Variants in ZNHIT3 observed in about 807,000 individuals in gnomAD.
The protein encoded by ZNHIT3 is zinc finger HIT domain-containing protein 3.
ZNHIT3 carries 27 observed loss-of-function variants against 19.9 expected under a neutral mutation model. The observed-to-expected ratio is 1.36, with a 90% CI of 1.00 to 1.87. ZNHIT3 has a LOEUF of 1.87. Ranked by LOEUF, ZNHIT3 falls within the 40% of genes most tolerant of loss-of-function variation. The probability of loss-of-function intolerance (pLI) is 0.00; values close to 1 mark genes in which losing one functional copy is unlikely to be tolerated. For synonymous variants in ZNHIT3, 81 were observed against 65.7 expected (o/e 1.23, Z -1.13); for missense variants, 215 against 185.6 (o/e 1.16, Z -0.92).
chr17:36,493,479 ATT>A (rs1228681137), intron 3 of ZNHIT3, among the ~76,000 whole-genome samples: 1 of 152,194 alleles, frequency 6.6e-6, no homozygotes, highest in Non-Finnish European at 1.5e-5. Flanking sequence ...CCTTTGAGAA[ATT>A]TCCAGGTTGG....
In ZNHIT3 at chr17:36,486,718, A is replaced by G; in HGVS notation, c.19A>G (p.Ser7Gly). Reference sequence around the variant, plus strand: ...CAAAACCATGGCGTCGCTCAAATGTAGCACCGTCGTCTGCGTGATCTGCTT... The same window carrying G: ...CAAAACCATGGCGTCGCTCAAATGTGGCACCGTCGTCTGCGTGATCTGCTT... Reference protein sequence around the residue: MASLKCSTVVCVICLEK... With the variant: MASLKCGTVVCVICLEK... Residue 7 changes from serine (S) to glycine (G), a missense_variant, in exon 1 of 5, where the codon AGC (serine) becomes GGC (glycine). Coordinates refer to ENST00000617429, the MANE Select transcript of ZNHIT3 (RefSeq NM_004773.4). 6.2e-7 allele frequency: 1 copy of G among 1,613,722 alleles called. No individual in the cohort carries two copies. Among genetic ancestry groups the G allele is most frequent in the Non-Finnish European group, 8.5e-7 (1 of 1,179,756 alleles).
At chr17:36,487,217 T>TC (rs1183676986) in intron 2 of ZNHIT3, among the ~76,000 whole-genome samples, 1 of 152,182 alleles carries the variant, frequency 6.6e-6, no homozygotes, top group Non-Finnish European at 1.5e-5. Context: ...ACCCCGCTTC[T>TC]CCTTCTGCGT....
downstream of ZNHIT3, chr17:36,496,113 G>T: frequency 8.2e-7 from 1 of 1,224,036 alleles, no homozygotes; most frequent in East Asian, 2.4e-5. Flanking sequence ...GGGGCTCTGG[G>T]TCGAAGGCTG....
chr17:36,486,904 C>T, intron 1 of ZNHIT3, 31 bp from the exon 2 acceptor site: 1 of 1,601,276 alleles, frequency 6.2e-7, no homozygotes, highest in Non-Finnish European at 8.5e-7. Flanking sequence ...ACCCTCGGGG[C>T]TGACGCGGCC....
Position 36,495,254 on chromosome 17 carries a change from C to T in ZNHIT3, c.318C>T (p.Leu106=). The change falls in exon 5 of 5, where the codon CTC becomes CTT. Residue 106 remains leucine, a synonymous_variant. Transcript: ENST00000617429. Reference sequence around the variant, plus strand: ...CTGCAACATTAAGAAGCTTATTGCTCAATCCACACCTCAGGCAGTTGATGG... The same window carrying T: ...CTGCAACATTAAGAAGCTTATTGCTTAATCCACACCTCAGGCAGTTGATGG... ...GESATLRSLL[L]NPHLRQLMVN... The T allele has an allele frequency of 1.1e-5, 17 of 1,594,462 alleles. No homozygotes were observed. The highest frequency in any genetic ancestry group is 1.4e-5 in the Non-Finnish European group (16 of 1,174,410).
At chr17:36,498,763 T>C (rs759240095), downstream of ZNHIT3, 1 of 610,390 alleles carries the variant, frequency 1.6e-6, no homozygotes, top group Non-Finnish European at 2.9e-6. Flanking sequence ...GCCTTACATA[T>C]GCTACTTGAA....
chr17:36,498,676 T>C (rs2071225416), downstream of ZNHIT3: 9 of 1,255,582 alleles, frequency 7.2e-6, no homozygotes, highest in South Asian at 1.6e-5. Context: ...AGGCACCTGG[T>C]TGCAAACAGC....
At chr17:36,491,804 G>A (rs1005237352) in intron 2 of ZNHIT3, 4 of 152,038 alleles carry the variant, frequency 2.6e-5, no homozygotes, top group African/African-American at 9.7e-5. Flanking sequence ...CTCTCCTTCA[G>A]TCCCTCCTGC....
At chr17:36,488,237 G>T (rs562412645) in intron 2 of ZNHIT3, among the ~76,000 whole-genome samples, 1 of 151,218 alleles carries the variant, frequency 6.6e-6, no homozygotes, top group Admixed American at 6.6e-5. Flanking sequence ...TATATATTGG[G>T]CACTTTTTAA....
chr17:36,492,785 G>C, intron 2 of ZNHIT3, 28 bp from the exon 3 acceptor site: 1 of 1,607,390 alleles, frequency 6.2e-7, no homozygotes, highest in Non-Finnish European at 8.5e-7. Context: ...TGGAGGTAAT[G>C]TGGGCCTGGG....
chr17:36,488,445 T>C (rs569643139), intron 2 of ZNHIT3, among the ~76,000 whole-genome samples: 1 of 151,598 alleles, frequency 6.6e-6, no homozygotes, highest in South Asian at 2.1e-4. Context: ...CTTAGGAGGC[T>C]GAGGCAGGAT....
intron 4 of ZNHIT3, among the ~76,000 whole-genome samples, chr17:36,494,700 G>A (rs1308139890): frequency 1.3e-5 from 2 of 152,176 alleles, no homozygotes; most frequent in Non-Finnish European, 1.5e-5. Context: ...AGACTGTGAA[G>A]TACCATGCAG....
At chr17:36,489,569 CTTG>C (rs2070676839) in intron 2 of ZNHIT3, 2 of 151,536 alleles carry the variant, frequency 1.3e-5, no homozygotes, top group African/African-American at 4.8e-5. Flanking sequence ...TTTTCATGTA[CTTG>C]TTGGCCATTT....
At chr17:36,494,064 G>A in intron 4 of ZNHIT3, 58 bp downstream of exon 4, 1 of 1,413,092 alleles carries the variant, frequency 7.1e-7, no homozygotes, top group Non-Finnish European at 9.9e-7. Context: ...TGTAAGGATT[G>A]TGATTTTTTA....
chr17:36,497,646 G>A (rs974252792), downstream of ZNHIT3: 44 of 617,736 alleles, frequency 7.1e-5, 2 homozygotes, highest in African/African-American at 7.2e-4. Flanking sequence ...GTGCAGCGGC[G>A]CAATCTCGGC....
intron 2 of ZNHIT3, chr17:36,489,807 A>G (rs1319667295): frequency 6.6e-6 from 1 of 151,840 alleles, no homozygotes; most frequent in Non-Finnish European, 1.5e-5. Flanking sequence ...TTTAGTAGAG[A>G]CAAGGTTTCA....
intron 2 of ZNHIT3, chr17:36,489,594 T>C (rs2070677467): frequency 6.6e-6 from 1 of 152,038 alleles, no homozygotes. Flanking sequence ...TATGTCTTCT[T>C]TTGAGAAGTG....
chr17:36,487,430 G>T (rs2070597678), intron 2 of ZNHIT3, among the ~76,000 whole-genome samples: 1 of 152,210 alleles, frequency 6.6e-6, no homozygotes, highest in Non-Finnish European at 1.5e-5. Context: ...AGACGTCCTT[G>T]ATTTGTTAAG....
rs781548748 is a variant in ZNHIT3 at position 36,486,736 on chromosome 17, A to T, written c.37A>T (p.Ile13Phe). 3 of 1,613,728 alleles carry T rather than the reference A, an allele frequency of 1.9e-6. No individual in the cohort carries two copies. Among genetic ancestry groups the T allele is most frequent in the South Asian group, 1.1e-5 (1 of 91,082 alleles). ...SLKCSTVVCVICLEKPKYRCP... is the reference protein window; with the variant it reads ...SLKCSTVVCVFCLEKPKYRCP... ...CAAATGTAGCACCGTCGTCTGCGTG[A>T]TCTGCTTGGAGAAGCCCAAATACCG... The change falls in exon 1 of 5, where the codon ATC (isoleucine) becomes TTC (phenylalanine). Residue 13 changes from isoleucine to phenylalanine, a missense_variant. By Grantham distance (21) the Ile-to-Phe change is conservative. Coordinates refer to ENST00000617429, the MANE Select transcript of ZNHIT3 (RefSeq NM_004773.4).
Sources: allele counts gnomAD v4.1 joint callset (sites outside exome capture counted in the v4.1 genomes callset), GRCh38; gene constraint gnomAD v4.1.1; transcripts MANE v1.5; gene names NCBI Gene and HGNC (gene_info 2026-07-23, HGNC 2026-07-21).